Variants in RGS5 observed in about 807,000 individuals in gnomAD.
RGS5 encodes the protein regulator of G protein signaling 5.
RGS5 carries 20 observed loss-of-function variants against 18.9 expected under a neutral mutation model. The ratio of observed to expected loss-of-function variants is 1.06; its 90% confidence interval spans 0.74 to 1.54. The LOEUF is 1.54. RGS5 is among the 40% of genes most tolerant of loss of function. The pLI is 0.00. For synonymous variants in RGS5, 57 were observed against 76.2 expected (o/e 0.75, Z 1.31); for missense variants, 201 against 211.8 (o/e 0.95, Z 0.32).
At chr1:163,148,109 T>C (rs1657229634) in intron 4 of RGS5, among the ~76,000 whole-genome samples, 1 of 151,902 alleles carries the variant, frequency 6.6e-6, no homozygotes, top group Admixed American at 6.6e-5. Flanking sequence ...GTACTTTTGA[T>C]AGAGACGGGG....
chr1:163,303,104 T>C (rs1649593631), intron 2 of RGS5, among the ~76,000 whole-genome samples: 1 of 152,224 alleles, frequency 6.6e-6, no homozygotes, highest in Admixed American at 6.5e-5. Flanking sequence ...AATTTTAATT[T>C]CAAATGGAGA....
intron 1 of RGS5, among the ~76,000 whole-genome samples, chr1:163,190,285 C>T (rs578177004): frequency 2.7e-4 from 41 of 152,230 alleles, no homozygotes; most frequent in Non-Finnish European, 5.1e-4. Context: ...GGATTTTGGA[C>T]TAGAGAATTT....
At chr1:163,153,514 A>G (rs1373557548) in intron 3 of RGS5, among the ~76,000 whole-genome samples, 1 of 152,154 alleles carries the variant, frequency 6.6e-6, no homozygotes, top group Admixed American at 6.6e-5. Context: ...CATCAATTAT[A>G]CATCAGGTTT....
intron 2 of RGS5, among the ~76,000 whole-genome samples, chr1:163,281,325 T>C (rs2101718933): frequency 6.6e-6 from 1 of 152,264 alleles, no homozygotes; most frequent in East Asian, 1.9e-4. Flanking sequence ...AAAGGTTTAT[T>C]TTGGCTCATG....
At chr1:163,249,529 G>A (rs764274579) in intron 2 of RGS5, among the ~76,000 whole-genome samples, 49 of 152,338 alleles carry the variant, frequency 3.2e-4, no homozygotes, top group Non-Finnish European at 5.0e-4. Context: ...TGTGGCTCAC[G>A]CCTATAATCC....
At chr1:163,222,822 A>G (rs11579533) in intron 2 of RGS5, among the ~76,000 whole-genome samples, 17,355 of 152,094 alleles carry the variant, frequency 0.11, 1,308 homozygotes, top group South Asian at 0.2. Flanking sequence ...TGTTATGTAA[A>G]GCAAAATTTT....
chr1:163,198,794 C>A (rs1339873165), intron 1 of RGS5, among the ~76,000 whole-genome samples: 1 of 151,916 alleles, frequency 6.6e-6, no homozygotes, highest in African/African-American at 2.4e-5. Flanking sequence ...CTGTGCCTGG[C>A]TAATATTTGT....
chr1:163,246,609 C>CA (rs934704144), intron 2 of RGS5, among the ~76,000 whole-genome samples: 7 of 151,862 alleles, frequency 4.6e-5, no homozygotes, highest in African/African-American at 1.7e-4. Flanking sequence ...CAAAACAAAA[C>CA]AAAAAACAAA....
intron 2 of RGS5, among the ~76,000 whole-genome samples, chr1:163,233,061 A>T (rs944840751): frequency 6.6e-6 from 1 of 152,164 alleles, no homozygotes; most frequent in African/African-American, 2.4e-5. Context: ...AACCTTTATG[A>T]TGTTGACATT....
chr1:163,180,111 C>T (rs1368142630), intron 1 of RGS5, among the ~76,000 whole-genome samples: 3 of 152,164 alleles, frequency 2.0e-5, no homozygotes, highest in Non-Finnish European at 4.4e-5. Context: ...CAGCCTCCAC[C>T]TCCTGGGCTC....
At chr1:163,276,046 G>T (rs1648844240) in intron 2 of RGS5, among the ~76,000 whole-genome samples, 1 of 151,988 alleles carries the variant, frequency 6.6e-6, no homozygotes, top group South Asian at 2.1e-4. Context: ...CCAAGCTGGA[G>T]TACAATGGCG....
chr1:163,319,284 A>G (rs1390757139), intron 1 of RGS5: 3 of 152,256 alleles, frequency 2.0e-5, no homozygotes, highest in African/African-American at 7.2e-5. Context: ...CAGAATTTAA[A>G]GTGCAGTCTA....
chr1:163,244,960 A>G (rs1647889269), intron 2 of RGS5: 1 of 152,192 alleles, frequency 6.6e-6, no homozygotes, highest in Non-Finnish European at 1.5e-5. Flanking sequence ...GGGCTCATAG[A>G]TCTTGGGTTC....
At chr1:163,291,670 G>A (rs189995007) in intron 2 of RGS5, among the ~76,000 whole-genome samples, 1 of 152,162 alleles carries the variant, frequency 6.6e-6, no homozygotes, top group African/African-American at 2.4e-5. Flanking sequence ...CACTCCTGTG[G>A]CCCCACCCAG....
rs1657129954 is a variant in RGS5 at position 163,146,404 on chromosome 1, C to T, written c.*938G>A. On this transcript the variant is annotated 3_prime_UTR_variant, in exon 5 of 5. Coordinates refer to ENST00000313961, the MANE Select transcript of RGS5 (RefSeq NM_003617.4). ...TCATAGGACAATTAGCCATTTTAGACTTGACCATATTTTCTCTTTTTAGCA... is the reference window on the plus strand; with the variant it reads ...TCATAGGACAATTAGCCATTTTAGATTTGACCATATTTTCTCTTTTTAGCA... 1 of 152,048 alleles carries T rather than the reference C, an allele frequency of 6.6e-6. No homozygotes were observed. The highest frequency in any genetic ancestry group is 2.4e-5 in the African/African-American group (1 of 41,420). The allele number at this position is 152,048 out of a possible 1,614,324, so 9.4% of individuals were successfully genotyped here.
At chr1:163,154,862 TTA>T (rs1396950064) in intron 3 of RGS5, among the ~76,000 whole-genome samples, 1 of 149,408 alleles carries the variant, frequency 6.7e-6, no homozygotes, top group African/African-American at 2.4e-5. Flanking sequence ...TATAGATATT[TTA>T]GTCTATATAG....
chr1:163,309,593 C>T (rs1169273033), intron 1 of RGS5, among the ~76,000 whole-genome samples: 12 of 152,068 alleles, frequency 7.9e-5, no homozygotes, highest in Non-Finnish European at 2.9e-5. Flanking sequence ...GGTGCCACTT[C>T]TAATTCTAGT....
At chr1:163,192,523 G>A (rs559037783) in intron 1 of RGS5, among the ~76,000 whole-genome samples, 4 of 152,200 alleles carry the variant, frequency 2.6e-5, no homozygotes, top group African/African-American at 9.6e-5. Context: ...ATCAATCTAC[G>A]TTCATCTTTG....
In RGS5 at chr1:163,152,561, C is replaced by G. The variant is rs768014429; in HGVS notation, c.373G>C (p.Ala125Pro). The G allele has an allele frequency of 4.3e-6, 7 of 1,611,970 alleles. No homozygotes were observed. The Admixed American group carries it at 1.0e-4, about 23-fold the overall frequency. Residue 125 changes from alanine to proline, a missense_variant, in exon 4 of 5, where the codon GCT becomes CCT. Physicochemically the swap from Ala to Pro is conservative, Grantham distance 27. Coordinates refer to ENST00000313961, the MANE Select transcript of RGS5 (RefSeq NM_003617.4). Reference sequence around the variant, plus strand: ...ACCCAGAGACCAACCTCTTTAGGAGCCTCCGTTTGAATGAATTCTTCATAA... The same window carrying G: ...ACCCAGAGACCAACCTCTTTAGGAGGCTCCGTTTGAATGAATTCTTCATAA... ...QIYEEFIQTE[A>P]PKEVNIDHFT...
Sources: gnomAD v4.1 joint callset for allele counts (sites outside exome capture counted in the v4.1 genomes callset) on GRCh38, gnomAD v4.1.1 for gene constraint, MANE v1.5 for transcripts, NCBI Gene and HGNC (gene_info 2026-07-23, HGNC 2026-07-21) for gene names.